The following PRR16 variants were observed in gnomAD, a reference collection of about 807,000 sequenced individuals.
PRR16 encodes the protein proline rich 16.
PRR16 carries 6 observed loss-of-function variants against 18.2 expected under a neutral mutation model. That is an observed-to-expected ratio of 0.33 (90% CI 0.18 to 0.65). PRR16 has a LOEUF of 0.65. Among genes scored for constraint, PRR16 ranks in the 30% least tolerant of loss-of-function variants. PRR16 has a pLI of 0.74. For missense variants in PRR16, 412 were observed against 376.6 expected (o/e 1.09, Z -0.78); for synonymous variants, 151 against 147.8 (o/e 1.02, Z -0.16).
At chr5:120,521,328 T>A (rs1751172363) in intron 1 of PRR16, among the ~76,000 whole-genome samples, 1 of 152,194 alleles carries the variant, frequency 6.6e-6, no homozygotes, top group African/African-American at 2.4e-5. Context: ...AGGTCTTTAG[T>A]AGCACCATTT....
chr5:120,638,781 A>G (rs548238954), intron 1 of PRR16, among the ~76,000 whole-genome samples: 1 of 152,138 alleles, frequency 6.6e-6, no homozygotes, highest in South Asian at 2.1e-4. Context: ...TATCTTAGCA[A>G]TGTTTCTACT....
intron 1 of PRR16, among the ~76,000 whole-genome samples, chr5:120,681,671 CTCTCAGTCTTTGTTGTCTAAAAA>C (rs1417867105): frequency 2.6e-5 from 4 of 152,154 alleles, no homozygotes; most frequent in African/African-American, 9.7e-5. Flanking sequence ...GAGCAATACT[CTCTCAGTCTTTGTTGTCTAAAAA>C]TGTCTATTTC....
At chr5:120,540,263 T>C (rs1341255890) in intron 1 of PRR16, among the ~76,000 whole-genome samples, 1 of 152,222 alleles carries the variant, frequency 6.6e-6, no homozygotes, top group East Asian at 1.9e-4. Context: ...CAGAGGCCCC[T>C]GAGGAACCTC....
At chr5:120,769,499 C>A in the PRR16 span, among the ~76,000 whole-genome samples, 1 of 151,894 alleles carries the variant, frequency 6.6e-6, no homozygotes, top group Non-Finnish European at 1.5e-5. Context: ...CCCTACTGAA[C>A]AACTTCTCAT....
At chr5:120,584,937 G>C (rs1333601047) in intron 1 of PRR16, among the ~76,000 whole-genome samples, 2 of 152,094 alleles carry the variant, frequency 1.3e-5, no homozygotes, top group African/African-American at 4.8e-5. Context: ...CGTCAAAGCA[G>C]AAGGGGGCTG....
the PRR16 span, among the ~76,000 whole-genome samples, chr5:120,794,578 T>G: frequency 6.6e-6 from 1 of 152,088 alleles, no homozygotes; most frequent in Non-Finnish European, 1.5e-5. Flanking sequence ...ATGTGTGTGT[T>G]TTGACTGTTT....
the PRR16 span, among the ~76,000 whole-genome samples, chr5:120,707,583 G>A: frequency 1.2e-4 from 19 of 152,264 alleles, no homozygotes; most frequent in Admixed American, 3.9e-4. Flanking sequence ...CTGCCTGACT[G>A]TTATGTTCCG....
intron 1 of PRR16, among the ~76,000 whole-genome samples, chr5:120,631,233 G>A (rs572426086): frequency 1.3e-5 from 2 of 152,216 alleles, no homozygotes; most frequent in East Asian, 3.9e-4. Flanking sequence ...GCAGATAAGA[G>A]ACAAAACTAG....
At chr5:120,616,104 C>T (rs1170925561) in intron 1 of PRR16, among the ~76,000 whole-genome samples, 1 of 152,136 alleles carries the variant, frequency 6.6e-6, no homozygotes, top group Non-Finnish European at 1.5e-5. Context: ...CTTTTTCACT[C>T]ATTTCTGCAT....
At chr5:120,525,766 G>A (rs1580686074) in intron 1 of PRR16, among the ~76,000 whole-genome samples, 1 of 152,056 alleles carries the variant, frequency 6.6e-6, no homozygotes, top group East Asian at 1.9e-4. Context: ...AAAGTCATTA[G>A]TAGACTTTAA....
At chr5:120,666,706 A>G (rs1173362523) in intron 1 of PRR16, among the ~76,000 whole-genome samples, 2 of 147,728 alleles carry the variant, frequency 1.4e-5, no homozygotes, top group Non-Finnish European at 3.0e-5. Context: ...TTCTGCATCT[A>G]TTGAGATAAT....
At position 120,502,702 on chromosome 5, in the gene PRR16, C is replaced by T. The variant is rs149756270; in HGVS notation, c.159+38057C>T. On this transcript the variant is annotated intron_variant, in intron 1 of 1. Transcript: ENST00000407149. Reference sequence around the variant, plus strand: ...TGGAGACAATTTTCTTTTTATTAGTCGAAGCATGTGACCTTGCCATTTTTG... The same window carrying T: ...TGGAGACAATTTTCTTTTTATTAGTTGAAGCATGTGACCTTGCCATTTTTG... Among the ~76,000 whole-genome samples, 14 of 152,148 alleles carry T rather than the reference C, an allele frequency of 9.2e-5. No homozygotes were observed. In the East Asian group the frequency reaches 2.3e-3, roughly 25 times the overall value.
At chr5:120,489,186 A>T (rs182350457) in intron 1 of PRR16, among the ~76,000 whole-genome samples, 42 of 152,198 alleles carry the variant, frequency 2.8e-4, no homozygotes, top group Admixed American at 2.6e-3. Flanking sequence ...TGCAGAGCTG[A>T]GTTTATTTCC....
intron 1 of PRR16, among the ~76,000 whole-genome samples, chr5:120,621,784 GA>G (rs1754698261): frequency 6.6e-6 from 1 of 152,086 alleles, no homozygotes; most frequent in African/African-American, 2.4e-5. Context: ...CCTTCACCAT[GA>G]TTGTAAGTTT....
At chr5:120,483,558 A>G (rs1164378853) in intron 1 of PRR16, among the ~76,000 whole-genome samples, 3 of 152,152 alleles carry the variant, frequency 2.0e-5, no homozygotes, top group African/African-American at 7.2e-5. Context: ...TTCGGAGACC[A>G]TATGTCAGAG....
chr5:120,564,761 C>T (rs540306957), intron 1 of PRR16, among the ~76,000 whole-genome samples: 28 of 152,022 alleles, frequency 1.8e-4, no homozygotes, highest in South Asian at 8.3e-4. Flanking sequence ...CTGAGTTGGG[C>T]GGATCACGAG....
At chr5:120,787,512 A>T in the PRR16 span, among the ~76,000 whole-genome samples, 1 of 152,154 alleles carries the variant, frequency 6.6e-6, no homozygotes, top group East Asian at 1.9e-4. Context: ...ACTTATGGCC[A>T]CTGAGGGCTG....
At chr5:120,734,291 G>A in the PRR16 span, among the ~76,000 whole-genome samples, 2 of 152,128 alleles carry the variant, frequency 1.3e-5, no homozygotes, top group Admixed American at 6.6e-5. Context: ...GGAGGGAAGA[G>A]GGAGCAGGAG....
intron 1 of PRR16, among the ~76,000 whole-genome samples, chr5:120,472,001 A>G (rs1749285646): frequency 6.6e-6 from 1 of 152,188 alleles, no homozygotes; most frequent in African/African-American, 2.4e-5. Context: ...ACTTTCAGGC[A>G]AGAAATATTA....
Sources: gnomAD v4.1 joint callset for allele counts (sites outside exome capture counted in the v4.1 genomes callset) on GRCh38, gnomAD v4.1.1 for gene constraint, MANE v1.5 for transcripts, NCBI Gene and HGNC (gene_info 2026-07-23, HGNC 2026-07-21) for gene names.